Variants in FAHD2A observed in about 807,000 individuals in gnomAD.
FAHD2A encodes oxaloacetate tautomerase FAHD2A, mitochondrial.
Under a neutral mutation model 33.4 loss-of-function variants are expected in FAHD2A, and 27 were observed. The observed-to-expected ratio is 0.81, with a 90% CI of 0.60 to 1.11. The LOEUF is 1.11. Ranked by LOEUF, FAHD2A falls within the 50% of genes most tolerant of loss-of-function variation. FAHD2A has a pLI of 0.00. For missense variants in FAHD2A, 296 were observed against 395.0 expected (o/e 0.75, Z 2.12); for synonymous variants, 130 against 153.3 (o/e 0.85, Z 1.12).
chr2:95,418,788 C>T (rs1036395434), downstream of FAHD2A, among the ~76,000 whole-genome samples: 4 of 152,114 alleles, frequency 2.6e-5, no homozygotes, highest in Admixed American at 6.5e-5. Context: ...GACATTAAGG[C>T]GGTCTTATGG....
In FAHD2A at chr2:95,414,187, G is replaced by A; in HGVS notation, c.*1230G>A. ...TTGGGTTGTCACTGTCCGGCAGGGG[G>A]CAGCAGCCACCAGCAAACACCACTG... On this transcript the variant is annotated 3_prime_UTR_variant, in exon 8 of 8. Coordinates refer to ENST00000233379, the MANE Select transcript of FAHD2A (RefSeq NM_016044.3). 1.9e-6 allele frequency: 3 copies of A among 1,582,286 alleles called. No homozygotes were observed. The highest frequency in any genetic ancestry group is 2.6e-6 in the Non-Finnish European group (3 of 1,165,170).
At chr2:95,407,768 A>G (rs1279953657) in intron 3 of FAHD2A, among the ~76,000 whole-genome samples, 2 of 152,262 alleles carry the variant, frequency 1.3e-5, no homozygotes, top group Middle Eastern at 3.2e-3. Flanking sequence ...CAGTATTTCA[A>G]AATTTTTGAA....
At chr2:95,403,406 G>A (rs1461140611) in intron 1 of FAHD2A, among the ~76,000 whole-genome samples, 2 of 152,224 alleles carry the variant, frequency 1.3e-5, no homozygotes, top group African/African-American at 4.8e-5. Context: ...CTCTTGGAGA[G>A]CTGGTAACCA....
chr2:95,406,951 G>A lies in FAHD2A; in HGVS notation c.256G>A (p.Ala86Thr). 1 of 1,613,166 alleles carries A rather than the reference G, an allele frequency of 6.2e-7. No homozygotes were observed. The highest frequency in any genetic ancestry group is 8.5e-7 in the Non-Finnish European group (1 of 1,179,492). The change falls in exon 3 of 8, where the codon GCC (alanine) becomes ACC (threonine). Residue 86 changes from alanine to threonine, a missense_variant. By Grantham distance (58) the Ala-to-Thr change is moderately conservative. Transcript: ENST00000233379. The part of the protein sequence containing the change: ...TLSVARRALA[A>T]QLPVLPRSEV... ...CTCTGGTCTCTACAGAGCCCTGGCTGCCCAGTTGCCAGTCCTACCACGGTC... is the reference window on the plus strand; with the variant it reads ...CTCTGGTCTCTACAGAGCCCTGGCTACCCAGTTGCCAGTCCTACCACGGTC...
At chr2:95,416,962 C>A (rs1352191315), downstream of FAHD2A, among the ~76,000 whole-genome samples, 1 of 152,210 alleles carries the variant, frequency 6.6e-6, no homozygotes, top group Non-Finnish European at 1.5e-5. Context: ...GGCAGCATTT[C>A]CACAGAGCTG....
chr2:95,420,844 C>T (rs1177437036), downstream of FAHD2A, among the ~76,000 whole-genome samples: 2 of 151,972 alleles, frequency 1.3e-5, no homozygotes, highest in Admixed American at 6.5e-5. Flanking sequence ...TAAAAGAAGC[C>T]TTGTTATTAC....
chr2:95,407,330 G>A (rs1032329645), intron 3 of FAHD2A, 173 bp downstream of exon 3: 43 of 918,970 alleles, frequency 4.7e-5, no homozygotes, highest in Non-Finnish European at 6.6e-5. Flanking sequence ...GTTAATGTAC[G>A]TGTTTTCCTG....
At chr2:95,408,730 T>C (rs563514125) in intron 3 of FAHD2A, among the ~76,000 whole-genome samples, 1 of 152,278 alleles carries the variant, frequency 6.6e-6, no homozygotes, top group African/African-American at 2.4e-5. Context: ...GAGCTACAAG[T>C]TGAGATTTGG....
chr2:95,412,804 C>T (rs1455633839), intron 7 of FAHD2A, 40 bp downstream of exon 7: 11 of 1,614,228 alleles, frequency 6.8e-6, no homozygotes, highest in Non-Finnish European at 9.3e-6. Flanking sequence ...CCCCAAAGGC[C>T]TGGCAGGCTT....
rs1253748501 is a variant in FAHD2A at position 95,414,553 on chromosome 2, CCT to C, written c.*1600_*1601del. The C allele has an allele frequency of 3.3e-6, 1 of 305,498 alleles. No individual in the cohort carries two copies. Among genetic ancestry groups the C allele is most frequent in the Non-Finnish European group, 6.3e-6 (1 of 159,604 alleles). The allele number at this position is 305,498 out of a possible 1,614,324, so 18.9% of individuals were successfully genotyped here. On this transcript the variant is annotated 3_prime_UTR_variant, in exon 8 of 8. Coordinates refer to ENST00000233379, the MANE Select transcript of FAHD2A (RefSeq NM_016044.3). ...ATCCTGGTCCTGCCTCACTGGACAG[CCT>C]CTCCGCGGCCTTCCTCCTCCCTGCT...
chr2:95,418,685 C>T (rs953555374), downstream of FAHD2A, among the ~76,000 whole-genome samples: 7 of 151,924 alleles, frequency 4.6e-5, no homozygotes, highest in African/African-American at 1.5e-4. Flanking sequence ...TAAAAGCCAT[C>T]GAGCTTGGCA....
chr2:95,403,295 T>G (rs962962206), intron 1 of FAHD2A, among the ~76,000 whole-genome samples: 5 of 152,136 alleles, frequency 3.3e-5, no homozygotes, highest in African/African-American at 9.7e-5. Flanking sequence ...GTCCTCTTCT[T>G]TAAAGTGAGG....
intron 5 of FAHD2A, among the ~76,000 whole-genome samples, chr2:95,411,934 C>T (rs1319591853): frequency 6.6e-6 from 1 of 152,154 alleles, no homozygotes; most frequent in Non-Finnish European, 1.5e-5. Flanking sequence ...TACAGGCACG[C>T]ACCACCACGC....
At chr2:95,412,655 G>T (rs374523968) in intron 6 of FAHD2A, 22 bp from the exon 7 acceptor site, 1 of 1,613,884 alleles carries the variant, frequency 6.2e-7, no homozygotes, top group Non-Finnish European at 8.5e-7. Flanking sequence ...TGGTCTCACC[G>T]GGTCCTTCTG....
At chr2:95,420,063 A>G (rs1297855499), downstream of FAHD2A, among the ~76,000 whole-genome samples, 4 of 151,992 alleles carry the variant, frequency 2.6e-5, no homozygotes, top group Admixed American at 2.0e-4. Flanking sequence ...GCAGTTAGAC[A>G]GAGGGCAAAT....
chr2:95,404,234 G>A (rs1349064471), intron 1 of FAHD2A, among the ~76,000 whole-genome samples: 1 of 152,144 alleles, frequency 6.6e-6, no homozygotes, highest in Non-Finnish European at 1.5e-5. Context: ...AACAAAACAA[G>A]AGAATAGTGT....
chr2:95,419,010 A>G (rs570987525), downstream of FAHD2A, among the ~76,000 whole-genome samples: 96 of 152,182 alleles, frequency 6.3e-4, no homozygotes, highest in African/African-American at 1.7e-3. Flanking sequence ...GAAGATGGAG[A>G]TGGAGGCTGA....
intron 3 of FAHD2A, among the ~76,000 whole-genome samples, chr2:95,409,319 A>AC (rs1306845400): frequency 6.7e-6 from 1 of 149,716 alleles, no homozygotes; most frequent in Non-Finnish European, 1.5e-5. Flanking sequence ...GAGAACAATG[A>AC]CCTTTTTTTT....
Position 95,411,040 on chromosome 2 carries a change from C to T in FAHD2A, c.685+14C>T. 1 of 1,613,534 alleles carries T rather than the reference C, an allele frequency of 6.2e-7. No individual in the cohort carries two copies. Among genetic ancestry groups the T allele is most frequent in the Non-Finnish European group, 8.5e-7 (1 of 1,179,636 alleles). ...ACAGTGTAGCAGGTAGGTCCCTGGT[C>T]CCTGCCCCCTTATACCTACCATTGC... is the stretch of plus-strand genomic sequence containing the variant. On this transcript the variant is annotated intron_variant, in intron 5 of 7. Coordinates refer to ENST00000233379, the MANE Select transcript of FAHD2A (RefSeq NM_016044.3).
Sources: gnomAD v4.1 joint callset for allele counts (sites outside exome capture counted in the v4.1 genomes callset) on GRCh38, gnomAD v4.1.1 for gene constraint, MANE v1.5 for transcripts, NCBI Gene and HGNC (gene_info 2026-07-23, HGNC 2026-07-21) for gene names.